Variants in ZNF385D observed in about 807,000 individuals in gnomAD.
The protein encoded by ZNF385D is zinc finger protein 659.
Under a neutral mutation model 35.8 loss-of-function variants are expected in ZNF385D, and 15 were observed. The ratio of observed to expected loss-of-function variants is 0.42; its 90% CI spans 0.28 to 0.64. ZNF385D has a LOEUF of 0.64. Ranked by LOEUF, ZNF385D falls within the 30% of genes least tolerant of loss-of-function variation. ZNF385D has a pLI of 0.23. For synonymous variants in ZNF385D, 212 were observed against 186.8 expected (o/e 1.13, Z -1.10); for missense variants, 474 against 494.6 (o/e 0.96, Z 0.39).
At chr3:22,192,747 T>C (rs1360471189) in intron 2 of ZNF385D, among the ~76,000 whole-genome samples, 1 of 152,152 alleles carries the variant, frequency 6.6e-6, no homozygotes, top group East Asian at 1.9e-4. Flanking sequence ...TGTGAGATAA[T>C]TGTTCTTCAG....
At chr3:22,272,388 TTTAATTCTAAAC>T (rs938705926) in intron 2 of ZNF385D, among the ~76,000 whole-genome samples, 1 of 50,134 alleles carries the variant, frequency 2.0e-5, no homozygotes, top group African/African-American at 8.7e-5. Context: ...TAATTCTAAA[TTTAATTCTAAAC>T]CTTCACCATC....
rs945912406 is a variant in ZNF385D, at chr3:21,593,781, T to TA, written c.166-29098dup. On this transcript the variant is annotated intron_variant, in intron 2 of 7. Coordinates refer to ENST00000281523, the MANE Select transcript of ZNF385D (RefSeq NM_024697.3). ...TGAAACCATGGCAATAAAAAGAGGT[T>TA]AAAAAAAAAAATAAGCTAGCCCTAA... Among the ~76,000 whole-genome samples, 905 of 145,542 alleles carry TA rather than the reference T, an allele frequency of 6.2e-3. 14 individuals are homozygous for TA. The highest frequency in any genetic ancestry group is 0.019 in the African/African-American group (744 of 39,784).
At chr3:22,170,869 C>T (rs1694368412) in intron 2 of ZNF385D, among the ~76,000 whole-genome samples, 1 of 152,018 alleles carries the variant, frequency 6.6e-6, no homozygotes, top group African/African-American at 2.4e-5. Flanking sequence ...GCTAAAATCA[C>T]AATATGCATA....
At chr3:21,735,532 C>T (rs1445535963) in intron 1 of ZNF385D, among the ~76,000 whole-genome samples, 1 of 152,052 alleles carries the variant, frequency 6.6e-6, no homozygotes, top group East Asian at 1.9e-4. Flanking sequence ...TAAAATTCTT[C>T]TATTGGATAT....
chr3:22,279,191 T>C (rs1701589549), intron 2 of ZNF385D, among the ~76,000 whole-genome samples: 1 of 152,032 alleles, frequency 6.6e-6, no homozygotes, highest in Non-Finnish European at 1.5e-5. Flanking sequence ...AATTCTGAGA[T>C]CTTGGTGTAC....
chr3:21,840,189 G>A (rs1040511061), intron 3 of ZNF385D, among the ~76,000 whole-genome samples: 7 of 151,906 alleles, frequency 4.6e-5, no homozygotes, highest in Middle Eastern at 3.4e-3. Flanking sequence ...GACAACAGAG[G>A]GTATACATGC....
At chr3:21,967,389 G>A (rs9841793) in intron 3 of ZNF385D, among the ~76,000 whole-genome samples, 10,618 of 152,162 alleles carry the variant, frequency 0.07, 1,207 homozygotes, top group African/African-American at 0.24. Context: ...CAAAATTCAA[G>A]CGTGGAACTT....
intron 3 of ZNF385D, among the ~76,000 whole-genome samples, chr3:22,166,085 A>G (rs952274490): frequency 7.1e-5 from 9 of 127,176 alleles, no homozygotes; most frequent in African/African-American, 2.3e-4. Context: ...TTTCTCATCC[A>G]CATGTCCACC....
At chr3:22,219,409 G>A (rs1376515574) in intron 2 of ZNF385D, among the ~76,000 whole-genome samples, 2 of 152,038 alleles carry the variant, frequency 1.3e-5, no homozygotes, top group African/African-American at 2.4e-5. Context: ...ATCCACACTT[G>A]AGTTAATCAC....
chr3:21,858,271 T>A (rs1696845565), intron 3 of ZNF385D, among the ~76,000 whole-genome samples: 1 of 150,834 alleles, frequency 6.6e-6, no homozygotes, highest in Non-Finnish European at 1.5e-5. Context: ...TTCTGAGGGG[T>A]GTTAAGGTAG....
Position 22,300,165 on chromosome 3 carries a change from T to C in ZNF385D, c.106+72285A>G, listed in dbSNP as rs141865844. 1.7e-3 allele frequency among the ~76,000 whole-genome samples: 266 copies of C among 152,008 alleles called. 1 individual carries two copies. The highest frequency in any genetic ancestry group is 6.3e-3 in the African/African-American group (262 of 41,542). On this transcript the variant is annotated intron_variant, in intron 2 of 5. Transcript: ENST00000494108. ...CAGAAATTCATGCATTTAAGGCCAATTGATTTTTGACAAAATGTACCAAGA... is the reference window on the plus strand; with the variant it reads ...CAGAAATTCATGCATTTAAGGCCAACTGATTTTTGACAAAATGTACCAAGA...
intron 1 of ZNF385D, 143 bp from the exon 2 acceptor site, chr3:21,665,171 C>G (rs919288246): frequency 2.7e-6 from 3 of 1,098,620 alleles, no homozygotes; most frequent in Admixed American, 6.6e-5. Context: ...AACTGGGAAC[C>G]GGCCAATGAG....
At chr3:21,709,854 C>T (rs1184128660) in intron 1 of ZNF385D, among the ~76,000 whole-genome samples, 3 of 152,168 alleles carry the variant, frequency 2.0e-5, no homozygotes, top group African/African-American at 4.8e-5. Flanking sequence ...AAGATGTATA[C>T]GGTGCACTCT....
At chr3:22,033,180 T>G (rs111609904) in intron 3 of ZNF385D, among the ~76,000 whole-genome samples, 1,890 of 152,120 alleles carry the variant, frequency 0.012, 36 homozygotes, top group African/African-American at 0.041. Context: ...GGCAGGTCGA[T>G]AGCTTGAGCT....
intron 3 of ZNF385D, among the ~76,000 whole-genome samples, chr3:21,976,199 T>A (rs966852468): frequency 2.0e-5 from 3 of 152,192 alleles, no homozygotes; most frequent in Non-Finnish European, 4.4e-5. Context: ...ATAGGTTAAA[T>A]TATCACTAAA....
intron 2 of ZNF385D, among the ~76,000 whole-genome samples, chr3:21,663,890 A>AATATATATATATATAT (rs66691637): frequency 0.022 from 1,404 of 64,124 alleles, 75 homozygotes; most frequent in African/African-American, 0.024. Context: ...TTGTGGGCCG[A>AATATATATATATATAT]ATATATATAT....
chr3:21,433,094 C>G (rs577911486), intron 5 of ZNF385D, among the ~76,000 whole-genome samples: 1 of 152,236 alleles, frequency 6.6e-6, no homozygotes, highest in East Asian at 1.9e-4. Flanking sequence ...GGACAACTGA[C>G]TTGCCCAGGT....
intron 3 of ZNF385D, among the ~76,000 whole-genome samples, chr3:21,768,147 C>T (rs930800702): frequency 4.6e-5 from 7 of 151,932 alleles, no homozygotes; most frequent in Non-Finnish European, 8.8e-5. Context: ...AATCCCCAGG[C>T]CATTCCTGTC....
chr3:21,608,599 C>T (rs139202150), intron 2 of ZNF385D, among the ~76,000 whole-genome samples: 12 of 152,208 alleles, frequency 7.9e-5, no homozygotes, highest in African/African-American at 2.2e-4. Context: ...TAAATTAATA[C>T]GTGGAAAGCA....
Sources: allele counts gnomAD v4.1 joint callset (sites outside exome capture counted in the v4.1 genomes callset), GRCh38; gene constraint gnomAD v4.1.1; transcripts MANE v1.5; gene names NCBI Gene and HGNC (gene_info 2026-07-23, HGNC 2026-07-21).